Variants in SPTBN4 observed in about 807,000 individuals in gnomAD.
The protein encoded by SPTBN4 is spectrin beta, non-erythrocytic 4, also known as spectrin beta chain, non-erythrocytic 4.
Under a neutral mutation model 277.8 loss-of-function variants are expected in SPTBN4, and 96 were observed. The ratio of observed to expected loss-of-function variants is 0.35; its 90% CI spans 0.29 to 0.41. SPTBN4 has a LOEUF of 0.41. Among genes scored for constraint, SPTBN4 ranks in the 10% least tolerant of loss-of-function variants. The pLI, the probability that SPTBN4 is intolerant of heterozygous loss-of-function variation, is 1.00. For synonymous variants in SPTBN4, 1,481 were observed against 1,580.3 expected (o/e 0.94, Z 1.49); for missense variants, 3,006 against 3,595.7 (o/e 0.84, Z 4.19).
In SPTBN4 at chr19:40,490,301, G is replaced by A; in HGVS notation, c.495+53G>A. 3 of 1,563,138 alleles carry A rather than the reference G, an allele frequency of 1.9e-6. No homozygotes were observed. Among genetic ancestry groups the A allele is most frequent in the East Asian group, 2.3e-5 (1 of 43,046 alleles). The stretch of plus-strand genomic sequence containing the variant: ...CCCGCAACATGGGACTTAGGAAAGC[G>A]TTCCCCACCATTTACCCATTCATTC... On this transcript the variant is annotated intron_variant, in intron 4 of 35. Coordinates refer to ENST00000598249, the MANE Select transcript of SPTBN4 (RefSeq NM_020971.3). The surrounding 1 kb of genome is among the most constrained non-coding windows in gnomAD (Gnocchi z 4.3).
At position 40,472,793 on chromosome 19, in the gene SPTBN4, A is replaced by C; in HGVS notation, c.169+3A>C. ...CTCCCGGATCAAGGCCTTGGCAGGT[A>C]CCTGGAGGAGGGCTGGGGTGGGATG... On this transcript the variant is annotated splice_donor_region_variant and intron_variant, in intron 2 of 35. Transcript: ENST00000598249. 1 of 1,385,162 alleles carries C rather than the reference A, an allele frequency of 7.2e-7. No homozygotes were observed. Among genetic ancestry groups the C allele is most frequent in the South Asian group, 1.2e-5 (1 of 81,836 alleles). 85.8% of individuals were successfully genotyped at this position (1,385,162 alleles called of 1,614,324 possible). A position where few individuals can be genotyped will look rare whatever the true frequency, so the allele number is the denominator to read the frequency against.
intron 35 of SPTBN4, among the ~76,000 whole-genome samples, chr19:40,574,964 G>T (rs889411490): frequency 4.8e-5 from 7 of 144,622 alleles, no homozygotes; most frequent in African/African-American, 1.8e-4. Context: ...GCAGTGAGCT[G>T]ACATCGAGCC....
intron 7 of SPTBN4, among the ~76,000 whole-genome samples, chr19:40,499,193 T>C (rs2145842439): frequency 8.4e-6 from 1 of 119,516 alleles, no homozygotes; most frequent in Non-Finnish European, 1.9e-5. Flanking sequence ...CAAGCCTGGC[T>C]AATTTTTTTT....
chr19:40,519,504 G>A lies in SPTBN4; in HGVS notation c.3007G>A (p.Val1003Met), dbSNP rs2080498347. Residue 1003 changes from valine (V) to methionine (M), a missense_variant, in exon 16 of 36, where the codon GTG (valine) becomes ATG (methionine). Coordinates refer to ENST00000598249, the MANE Select transcript of SPTBN4 (RefSeq NM_020971.3). This position sits in a 1 kb window ranked among gnomAD's most constrained non-coding sequence, Gnocchi z 5.7. ...GGAGGTGGCCGAGGTGCGCGCCCAG[G>A]TGCGTGAGAAGCGGAGAGCTGTGGA... The part of the protein sequence containing the change: ...VLEVAEVRAQ[V>M]REKRRAVESA... 3.1e-6 allele frequency: 5 copies of A among 1,609,206 alleles called. No individual in the cohort carries two copies. Among genetic ancestry groups the A allele is most frequent in the Non-Finnish European group, 4.2e-6 (5 of 1,178,534 alleles).
rs1329421949 is a variant in SPTBN4, at chr19:40,512,819, G to A, written c.2030G>A (p.Gly677Asp). 10 of 1,444,628 alleles carry A rather than the reference G, an allele frequency of 6.9e-6. No homozygotes were observed. The highest frequency in any genetic ancestry group is 9.0e-6 in the Non-Finnish European group (10 of 1,112,256). 89.5% of individuals were successfully genotyped at this position (1,444,628 alleles called of 1,614,324 possible). A position where few individuals can be genotyped will look rare whatever the true frequency, so the allele number is the denominator to read the frequency against. Reference protein sequence around the residue: ...LEAAGGGGAAGAAGAAGTAGG... With the variant: ...LEAAGGGGAADAAGAAGTAGG... The stretch of plus-strand genomic sequence containing the variant: ...GCTGCGGGCGGCGGCGGTGCGGCGG[G>A]CGCAGCGGGCGCAGCGGGAACAGCG... The change falls in exon 14 of 36, where the codon GGC (glycine) becomes GAC (aspartate). Residue 677 changes from glycine to aspartate, a missense_variant. Physicochemically the swap from Gly to Asp is moderately conservative, Grantham distance 94 (BLOSUM62 -1). Transcript: ENST00000598249.
At chr19:40,530,600 G>T (rs1470395503) in intron 18 of SPTBN4, 9 of 979,630 alleles carry the variant, frequency 9.2e-6, no homozygotes, top group African/African-American at 1.8e-5. Flanking sequence ...GGTCTCGGGG[G>T]CGCCCAGGGG....
At chr19:40,539,286 C>T (rs1228933526) in intron 20 of SPTBN4, among the ~76,000 whole-genome samples, 2 of 152,214 alleles carry the variant, frequency 1.3e-5, no homozygotes, top group Admixed American at 6.5e-5. Context: ...CCCTCTGAGC[C>T]TTGGATGCCT....
At chr19:40,551,421 G>A (rs2080917118) in intron 22 of SPTBN4, among the ~76,000 whole-genome samples, 1 of 148,272 alleles carries the variant, frequency 6.7e-6, no homozygotes, top group Non-Finnish European at 1.5e-5. Flanking sequence ...ACACACACAC[G>A]TCCCCCAAAA....
intron 20 of SPTBN4, among the ~76,000 whole-genome samples, chr19:40,546,993 ACT>A (rs1389292692): frequency 6.6e-6 from 1 of 151,914 alleles, no homozygotes; most frequent in Non-Finnish European, 1.5e-5. Context: ...TTGCCTTCTA[ACT>A]CTATGAAATT....
intron 7 of SPTBN4, among the ~76,000 whole-genome samples, chr19:40,498,737 T>G (rs546846700): frequency 6.6e-6 from 1 of 152,014 alleles, no homozygotes; most frequent in Admixed American, 6.6e-5. Context: ...GGTCTGGCTC[T>G]GTTGCCCAGG....
intron 13 of SPTBN4, among the ~76,000 whole-genome samples, chr19:40,510,184 C>T (rs1283620810): frequency 2.0e-5 from 3 of 152,126 alleles, no homozygotes; most frequent in Non-Finnish European, 4.4e-5. Context: ...CTCTGAGGCT[C>T]AGTCTCTTAA....
At chr19:40,565,047 C>T (rs956907020) in intron 27 of SPTBN4, among the ~76,000 whole-genome samples, 10 of 151,758 alleles carry the variant, frequency 6.6e-5, no homozygotes, top group Non-Finnish European at 1.3e-4. Flanking sequence ...GGAGGATCAC[C>T]TGAGGTCAGG....
chr19:40,504,265 G>T, intron 12 of SPTBN4, 133 bp downstream of exon 12: 1 of 962,582 alleles, frequency 1.0e-6, no homozygotes, highest in South Asian at 1.8e-5. Context: ...AGAAAGCCAG[G>T]GAGACAAAAA....
At chr19:40,506,133 G>T (rs1254911334) in intron 12 of SPTBN4, 103 bp from the exon 13 acceptor site, 22 of 1,440,664 alleles carry the variant, frequency 1.5e-5, no homozygotes, top group Non-Finnish European at 2.0e-5. Flanking sequence ...GTCAGAGTCG[G>T]GAGTGATGGT....
At chr19:40,511,557 T>C (rs892540783) in intron 13 of SPTBN4, among the ~76,000 whole-genome samples, 1 of 152,202 alleles carries the variant, frequency 6.6e-6, no homozygotes, top group Admixed American at 6.5e-5. Flanking sequence ...ACTTCACTGT[T>C]TTCTAGTCGC....
At chr19:40,503,642 T>A (rs1304136364) in intron 11 of SPTBN4, among the ~76,000 whole-genome samples, 188 bp from the exon 12 acceptor site, 1 of 124,918 alleles carries the variant, frequency 8.0e-6, no homozygotes, top group Non-Finnish European at 1.7e-5. Context: ...AAGGTAACAA[T>A]GGAGGGTGGG....
At chr19:40,528,303 C>T (rs748610552) in intron 17 of SPTBN4, among the ~76,000 whole-genome samples, 1 of 152,170 alleles carries the variant, frequency 6.6e-6, no homozygotes, top group Non-Finnish European at 1.5e-5. Context: ...CCCATGGTCC[C>T]AGCCGGCTCC....
intron 3 of SPTBN4, among the ~76,000 whole-genome samples, chr19:40,488,365 T>C (rs921741648): frequency 1.3e-5 from 2 of 151,894 alleles, no homozygotes. Context: ...ATGTGGCTTG[T>C]TGTATAAATT....
chr19:40,504,755 C>T (rs1032464535), intron 12 of SPTBN4, among the ~76,000 whole-genome samples: 2 of 150,856 alleles, frequency 1.3e-5, no homozygotes, highest in Non-Finnish European at 3.0e-5. Context: ...GGCTGAGGCT[C>T]AAGAATTGCT....
Sources: allele counts gnomAD v4.1 joint callset (sites outside exome capture counted in the v4.1 genomes callset), GRCh38; gene constraint gnomAD v4.1.1; non-coding constraint Gnocchi (gnomAD v3.1); transcripts MANE v1.5; gene names NCBI Gene and HGNC (gene_info 2026-07-23, HGNC 2026-07-21).